NSMAF: variants seen among roughly 807,000 people sequenced by gnomAD.
The protein encoded by NSMAF is neutral sphingomyelinase activation associated factor, also known as protein FAN.
In NSMAF, 90 loss-of-function variants were observed where a neutral mutation model predicts 134.9. The observed-to-expected ratio is 0.67, with a 90% CI of 0.56 to 0.79. The LOEUF (loss-of-function observed/expected upper bound fraction) is 0.79, where lower values mean the gene tolerates loss of function less well. NSMAF is among the 30% of genes least tolerant of loss of function. NSMAF has a pLI of 0.00. For synonymous variants in NSMAF, 358 were observed against 389.6 expected, an observed-to-expected ratio of 0.92 and a Z score of 0.96; for missense variants, 1,010 against 1,119.0, an observed-to-expected ratio of 0.90 and a Z score of 1.39.
chr8:58,600,439 A>T (rs574954408), intron 16 of NSMAF, among the ~76,000 whole-genome samples: 25 of 152,070 alleles, frequency 1.6e-4, no homozygotes, highest in Non-Finnish European at 3.1e-4. Context: ...CCTGGCCAAC[A>T]TGGTGAAACC....
intron 1 of NSMAF, among the ~76,000 whole-genome samples, chr8:58,643,851 T>C (rs74972994): frequency 0.027 from 4,114 of 152,264 alleles, 204 homozygotes; most frequent in African/African-American, 0.093. Flanking sequence ...AGATATTCCC[T>C]TGTGATAACC....
At chr8:58,626,091 C>G (rs1031036533) in intron 6 of NSMAF, among the ~76,000 whole-genome samples, 1 of 99,370 alleles carries the variant, frequency 1.0e-5, no homozygotes, top group African/African-American at 4.0e-5. Flanking sequence ...TTATATAATT[C>G]TTTTTTTTTT....
intron 2 of NSMAF, among the ~76,000 whole-genome samples, chr8:58,637,919 T>A (rs917850693): frequency 6.6e-6 from 1 of 152,208 alleles, no homozygotes; most frequent in African/African-American, 2.4e-5. Context: ...AAAATGTCCA[T>A]ATTTTCCAAA....
At chr8:58,648,223 A>G (rs1807506455) in intron 1 of NSMAF, among the ~76,000 whole-genome samples, 1 of 152,206 alleles carries the variant, frequency 6.6e-6, no homozygotes, top group Non-Finnish European at 1.5e-5. Context: ...TAGGTAGGGT[A>G]TGTGGCGGAA....
chr8:58,631,743 A>G (rs1041813828), intron 5 of NSMAF, among the ~76,000 whole-genome samples, 197 bp from the exon 6 acceptor site: 1 of 152,210 alleles, frequency 6.6e-6, no homozygotes, highest in Non-Finnish European at 1.5e-5. Context: ...ATCAAATTAA[A>G]AAGAGAATCA....
chr8:58,607,952 A>G (rs577733325), intron 10 of NSMAF, 112 bp from the exon 11 acceptor site: 9 of 863,964 alleles, frequency 1.0e-5, no homozygotes, highest in Non-Finnish European at 1.5e-5. Flanking sequence ...TTCCTAATAA[A>G]CCATTGGAAA....
chr8:58,659,530 C>G (rs1173514965), intron 1 of NSMAF, 43 bp downstream of exon 1: 5 of 1,519,620 alleles, frequency 3.3e-6, no homozygotes, highest in African/African-American at 2.9e-5. Context: ...CGACCGGCCC[C>G]GACTAGGCCC....
chr8:58,651,937 A>G (rs1807593863), intron 1 of NSMAF, among the ~76,000 whole-genome samples: 1 of 152,222 alleles, frequency 6.6e-6, no homozygotes, highest in Admixed American at 6.5e-5. Flanking sequence ...ATATCTACAT[A>G]AAACAGGCTT....
At chr8:58,625,525 T>C (rs1024058566) in intron 6 of NSMAF, among the ~76,000 whole-genome samples, 1 of 152,228 alleles carries the variant, frequency 6.6e-6, no homozygotes, top group Non-Finnish European at 1.5e-5. Context: ...TTGACCCTTT[T>C]ATCATTACAT....
chr8:58,654,937 C>A (rs538419155), intron 1 of NSMAF, among the ~76,000 whole-genome samples: 5 of 152,088 alleles, frequency 3.3e-5, no homozygotes, highest in African/African-American at 1.2e-4. Flanking sequence ...CAAGTTCAAG[C>A]GATTCTCTTG....
chr8:58,599,909 A>T (rs1368078717), intron 17 of NSMAF, 39 bp from the exon 18 acceptor site: 4 of 1,613,144 alleles, frequency 2.5e-6, no homozygotes, highest in Non-Finnish European at 1.7e-6. Flanking sequence ...AACAACAAAC[A>T]TGTTTTAAAG....
chr8:58,656,255 G>T (rs1807708051), intron 1 of NSMAF, among the ~76,000 whole-genome samples: 1 of 152,098 alleles, frequency 6.6e-6, no homozygotes, highest in Admixed American at 6.5e-5. Context: ...GCCTGCCTTG[G>T]CCTCCCAAAA....
chr8:58,598,020 T>A (rs983315450), intron 19 of NSMAF, 118 bp from the exon 20 acceptor site: 1 of 734,662 alleles, frequency 1.4e-6, no homozygotes, highest in African/African-American at 1.8e-5. Flanking sequence ...TGCTATTCAC[T>A]TTGCAAAACA....
At chr8:58,640,906 TTTTTTA>T (rs1807319848) in intron 2 of NSMAF, among the ~76,000 whole-genome samples, 1 of 152,098 alleles carries the variant, frequency 6.6e-6, no homozygotes, top group Admixed American at 6.6e-5. Flanking sequence ...TTACTGTTTC[TTTTTTA>T]TTTTTATTTA....
intron 2 of NSMAF, among the ~76,000 whole-genome samples, chr8:58,636,083 G>A (rs987916310): frequency 6.6e-6 from 1 of 152,098 alleles, no homozygotes; most frequent in African/African-American, 2.4e-5. Context: ...ATTTTTCCAA[G>A]TTGTTAACTG....
At chr8:58,621,587 C>G (rs1490379798) in intron 9 of NSMAF, among the ~76,000 whole-genome samples, 1 of 152,140 alleles carries the variant, frequency 6.6e-6, no homozygotes, top group African/African-American at 2.4e-5. Flanking sequence ...AGGGTACAAG[C>G]ATTCCCTTTT....
intron 10 of NSMAF, among the ~76,000 whole-genome samples, chr8:58,609,010 T>C (rs1269642716): frequency 2.0e-5 from 3 of 152,232 alleles, no homozygotes; most frequent in Non-Finnish European, 4.4e-5. Flanking sequence ...AGTTTATATT[T>C]ATTTTCTGGC....
intron 2 of NSMAF, among the ~76,000 whole-genome samples, chr8:58,638,681 A>T (rs555928392): frequency 9.9e-5 from 15 of 152,226 alleles, no homozygotes; most frequent in Non-Finnish European, 1.5e-4. Flanking sequence ...CTGCTGAAAG[A>T]AAAAATACAG....
intron 2 of NSMAF, among the ~76,000 whole-genome samples, chr8:58,639,260 G>A (rs1317042556): frequency 6.6e-6 from 1 of 151,122 alleles, no homozygotes; most frequent in African/African-American, 2.4e-5. Context: ...CTTCAGCCTA[G>A]GTGACAGAGT....
Sources: allele counts gnomAD v4.1 joint callset (sites outside exome capture counted in the v4.1 genomes callset), GRCh38; gene constraint gnomAD v4.1.1; transcripts MANE v1.5; gene names NCBI Gene and HGNC (gene_info 2026-07-23, HGNC 2026-07-21).